Variants in NOX4 observed in about 807,000 individuals in gnomAD.
NOX4 encodes the protein kidney oxidase-1.
A neutral mutation model predicts 87.6 loss-of-function variants in NOX4; 69 were observed. The observed-to-expected ratio is 0.79, with a 90% CI of 0.65 to 0.96. The LOEUF is 0.96. Ranked by LOEUF, NOX4 falls within the 40% of genes least tolerant of loss-of-function variation. The probability of loss-of-function intolerance (pLI) is 0.00; values close to 1 mark genes in which losing one functional copy is unlikely to be tolerated. For synonymous variants in NOX4, 275 were observed against 238.2 expected, an observed-to-expected ratio of 1.15 and a Z score of -1.42; for missense variants, 680 against 681.5, an observed-to-expected ratio of 1.00 and a Z score of 0.02.
At chr11:89,335,479 G>C (rs1590948867) in intron 17 of NOX4, among the ~76,000 whole-genome samples, 1 of 151,742 alleles carries the variant, frequency 6.6e-6, no homozygotes, top group Non-Finnish European at 1.5e-5. Flanking sequence ...TTCATTGTTA[G>C]AACTAATTGT....
intron 7 of NOX4, among the ~76,000 whole-genome samples, chr11:89,423,659 C>G (rs547562467): frequency 2.3e-4 from 35 of 152,036 alleles, no homozygotes; most frequent in African/African-American, 8.2e-4. Flanking sequence ...CTTGGATGTA[C>G]CCCAGACAAA....
chr11:89,412,033 A>C (rs1942508891), intron 8 of NOX4, among the ~76,000 whole-genome samples: 3 of 152,168 alleles, frequency 2.0e-5, no homozygotes, highest in Admixed American at 6.5e-5. Context: ...TTAATATCAG[A>C]CAAAATAGAT....
At chr11:89,332,462 G>A (rs887848829) in intron 17 of NOX4, among the ~76,000 whole-genome samples, 10 of 151,778 alleles carry the variant, frequency 6.6e-5, no homozygotes, top group African/African-American at 2.2e-4. Flanking sequence ...AGGAAACCAA[G>A]TTTGGGTTAG....
intron 2 of NOX4, among the ~76,000 whole-genome samples, chr11:89,452,727 T>C (rs970773365): frequency 1.3e-5 from 2 of 152,056 alleles, no homozygotes; most frequent in Admixed American, 1.3e-4. Flanking sequence ...TATTTTTTAA[T>C]TTTTTTGAGG....
chr11:89,401,413 T>A (rs1478384377), intron 9 of NOX4, among the ~76,000 whole-genome samples: 1 of 152,098 alleles, frequency 6.6e-6, no homozygotes. Flanking sequence ...TAGAGGCTAA[T>A]AGGGATCTAG....
chr11:89,451,845 G>T lies in NOX4; in HGVS notation c.204C>A (p.Cys68Ter), dbSNP rs373927348. Residue 68 changes from cysteine (C) to a stop codon, truncating the protein, a stop_gained, in exon 3 of 18, where the codon TGC (cysteine) becomes TGA (stop). Transcript: ENST00000263317. LOFTEE classifies it high-confidence loss of function. Reference protein sequence around the residue: ...RASASVLNLNCSLILLPMCRT... With the variant: ...RASASVLNLN ...GGCACATGGGTAAAAGGATAAGGCT[G>T]CAGTTGAGGTTAAGAACAGATGCTG... The T allele has an allele frequency of 6.2e-7, 1 of 1,613,510 alleles. No homozygotes were observed. Among genetic ancestry groups the T allele is most frequent in the Middle Eastern group, 1.7e-4 (1 of 6,054 alleles).
At chr11:89,349,274 G>A (rs1229583229) in intron 13 of NOX4, among the ~76,000 whole-genome samples, 8 of 150,620 alleles carry the variant, frequency 5.3e-5, no homozygotes, top group Admixed American at 3.3e-4. Context: ...GCAACAGAGC[G>A]AGACTCTGTC....
intron 17 of NOX4, among the ~76,000 whole-genome samples, chr11:89,333,740 A>G (rs1387056830): frequency 1.3e-5 from 2 of 151,786 alleles, no homozygotes; most frequent in Non-Finnish European, 3.0e-5. Context: ...CCATTTACAC[A>G]GTGCCTTTGT....
chr11:89,441,273 A>G (rs911196568), intron 5 of NOX4, among the ~76,000 whole-genome samples: 1 of 152,218 alleles, frequency 6.6e-6, no homozygotes, highest in African/African-American at 2.4e-5. Context: ...AATATGAAAC[A>G]TTAATATTGC....
chr11:89,468,630 G>A (rs979977200), intron 2 of NOX4, among the ~76,000 whole-genome samples: 1 of 152,122 alleles, frequency 6.6e-6, no homozygotes, highest in African/African-American at 2.4e-5. Flanking sequence ...AAATGGGAGC[G>A]GGTGAGAGAA....
At chr11:89,457,256 A>C (rs563288461) in intron 2 of NOX4, among the ~76,000 whole-genome samples, 1 of 152,356 alleles carries the variant, frequency 6.6e-6, no homozygotes, top group South Asian at 2.1e-4. Context: ...CTAACTGTCC[A>C]AACCCTTGCT....
At chr11:89,419,217 A>T (rs2135254705) in intron 8 of NOX4, among the ~76,000 whole-genome samples, 1 of 152,136 alleles carries the variant, frequency 6.6e-6, no homozygotes, top group South Asian at 2.1e-4. Flanking sequence ...GCAAATAGTG[A>T]TTTTCTGTTC....
intron 8 of NOX4, among the ~76,000 whole-genome samples, chr11:89,418,855 A>G (rs1407621940): frequency 6.6e-6 from 1 of 152,004 alleles, no homozygotes; most frequent in Non-Finnish European, 1.5e-5. Context: ...TTAAGATTCT[A>G]TGAAAAAAAT....
At chr11:89,482,328 A>G (rs1275053586) in intron 2 of NOX4, among the ~76,000 whole-genome samples, 1 of 152,132 alleles carries the variant, frequency 6.6e-6, no homozygotes. Flanking sequence ...CCAGAGGAAG[A>G]CTGACAAAGT....
Position 89,483,643 on chromosome 11 carries a change from C to T in NOX4, c.153+6815G>A, listed in dbSNP as rs539720008. Among the ~76,000 whole-genome samples the T allele has an allele frequency of 4.9e-5, 7 of 143,268 alleles. No individual in the cohort carries two copies. The South Asian group carries it at 1.5e-3, about 32-fold the overall frequency. 94.0% of individuals were successfully genotyped at this position (143,268 alleles called of 152,430 possible). ...TTGGGTAGCTGTTATTCAAAGGATA[C>T]AAAATTTCAGATAGACAGGAAGAAT... is the stretch of plus-strand genomic sequence containing the variant. On this transcript the variant is annotated intron_variant, in intron 2 of 17. Transcript: ENST00000263317.
chr11:89,334,208 T>A (rs1945603214), intron 17 of NOX4, among the ~76,000 whole-genome samples: 1 of 151,750 alleles, frequency 6.6e-6, no homozygotes, highest in South Asian at 2.1e-4. Context: ...CTGCAATGCA[T>A]AGCAAGAGAC....
chr11:89,364,457 A>C (rs1487436142), intron 12 of NOX4, among the ~76,000 whole-genome samples: 1 of 152,078 alleles, frequency 6.6e-6, no homozygotes, highest in Non-Finnish European at 1.5e-5. Context: ...TATCACTCGC[A>C]TGCTCTGGTT....
At chr11:89,582,184 C>A in the NOX4 span, among the ~76,000 whole-genome samples, 3 of 152,116 alleles carry the variant, frequency 2.0e-5, no homozygotes, top group Non-Finnish European at 4.4e-5. Flanking sequence ...TCACAAATAG[C>A]AAATTTCCTT....
intron 2 of NOX4, among the ~76,000 whole-genome samples, chr11:89,456,682 T>C (rs547738990): frequency 3.9e-5 from 6 of 151,970 alleles, no homozygotes; most frequent in African/African-American, 1.4e-4. Context: ...TCCCCAAAAA[T>C]CCTGGCAACA....
Sources: allele counts gnomAD v4.1 joint callset (sites outside exome capture counted in the v4.1 genomes callset), GRCh38; gene constraint gnomAD v4.1.1; transcripts MANE v1.5; gene names NCBI Gene and HGNC (gene_info 2026-07-23, HGNC 2026-07-21).